ZBTB8A: variants seen among roughly 807,000 people sequenced by gnomAD.
The protein encoded by ZBTB8A is zinc finger and BTB domain-containing protein 8A.
A neutral mutation model predicts 37.8 loss-of-function variants in ZBTB8A; 19 were observed. That is an observed-to-expected ratio of 0.50 (90% CI 0.35 to 0.74). ZBTB8A has a LOEUF of 0.74. ZBTB8A is among the 30% of genes least tolerant of loss of function. ZBTB8A has a pLI of 0.01. For synonymous variants in ZBTB8A, 181 were observed against 185.2 expected (o/e 0.98, Z 0.19); for missense variants, 394 against 537.8 (o/e 0.73, Z 2.65).
chr1:32,561,431 G>A (rs1644243504), intron 2 of ZBTB8A, among the ~76,000 whole-genome samples: 1 of 152,168 alleles, frequency 6.6e-6, no homozygotes, highest in South Asian at 2.1e-4. Flanking sequence ...GTAGGGCAGA[G>A]TCCTTCCTTG....
At chr1:32,584,287 A>G (rs567505019) in intron 2 of ZBTB8A, among the ~76,000 whole-genome samples, 12 of 152,278 alleles carry the variant, frequency 7.9e-5, no homozygotes, top group South Asian at 4.1e-4. Flanking sequence ...TTGCAAGACA[A>G]TAAAATTATA....
At chr1:32,572,205 A>G (rs1644327571) in intron 2 of ZBTB8A, among the ~76,000 whole-genome samples, 1 of 152,126 alleles carries the variant, frequency 6.6e-6, no homozygotes, top group East Asian at 1.9e-4. Context: ...TGTCTATTTT[A>G]TGAAAGTGTT....
chr1:32,582,303 A>G, intron 2 of ZBTB8A, among the ~76,000 whole-genome samples: 1 of 152,116 alleles, frequency 6.6e-6, no homozygotes, highest in East Asian at 1.9e-4. Context: ...CCCAAAATCC[A>G]AAAAAATATA....
At chr1:32,579,613 C>A (rs1309382808) in intron 2 of ZBTB8A, among the ~76,000 whole-genome samples, 1 of 152,116 alleles carries the variant, frequency 6.6e-6, no homozygotes, top group Non-Finnish European at 1.5e-5. Flanking sequence ...AACTTCCAGG[C>A]ACCTCATGTT....
chr1:32,550,792 A>G (rs1018037712), intron 1 of ZBTB8A, among the ~76,000 whole-genome samples: 3 of 151,954 alleles, frequency 2.0e-5, no homozygotes, highest in Non-Finnish European at 4.4e-5. Context: ...CCCCGCCTCT[A>G]CTAAAAATAC....
intron 3 of ZBTB8A, among the ~76,000 whole-genome samples, chr1:32,594,260 TATTG>T: frequency 6.6e-6 from 1 of 151,552 alleles, no homozygotes; most frequent in South Asian, 2.1e-4. Context: ...TTCAAAATAA[TATTG>T]AATAAATATA....
chr1:32,584,780 A>C (rs1442202821), intron 2 of ZBTB8A, among the ~76,000 whole-genome samples: 2 of 151,760 alleles, frequency 1.3e-5, no homozygotes, highest in Non-Finnish European at 2.9e-5. Context: ...TTGGCCTCCC[A>C]AAGTGCCGCG....
intron 2 of ZBTB8A, among the ~76,000 whole-genome samples, chr1:32,573,824 C>T (rs941160220): frequency 1.3e-5 from 2 of 149,228 alleles, no homozygotes; most frequent in Non-Finnish European, 3.0e-5. Context: ...CCTGTAATCC[C>T]AGCACTTTGG....
intron 2 of ZBTB8A, among the ~76,000 whole-genome samples, chr1:32,556,418 C>T (rs967880030): frequency 1.3e-5 from 2 of 151,574 alleles, no homozygotes; most frequent in African/African-American, 2.4e-5. Flanking sequence ...CCCAGGCTGA[C>T]GTGCAGTGGT....
At chr1:32,560,390 G>A (rs1644234161) in intron 2 of ZBTB8A, among the ~76,000 whole-genome samples, 1 of 152,050 alleles carries the variant, frequency 6.6e-6, no homozygotes, top group African/African-American at 2.4e-5. Flanking sequence ...CTTGACCTGG[G>A]ATGTCTCAGC....
At chr1:32,554,158 C>G (rs998623795) in intron 2 of ZBTB8A, among the ~76,000 whole-genome samples, 2 of 147,418 alleles carry the variant, frequency 1.4e-5, no homozygotes, top group African/African-American at 5.1e-5. Context: ...CAAGATCACA[C>G]CAGTGCACTC....
At chr1:32,577,632 C>A in intron 2 of ZBTB8A, among the ~76,000 whole-genome samples, 1 of 137,388 alleles carries the variant, frequency 7.3e-6, no homozygotes, top group African/African-American at 2.8e-5. Context: ...TTCTCTGTCA[C>A]CCAGGCTGGC....
intron 2 of ZBTB8A, among the ~76,000 whole-genome samples, chr1:32,564,772 T>C (rs1009985974): frequency 6.6e-6 from 1 of 152,050 alleles, no homozygotes; most frequent in Non-Finnish European, 1.5e-5. Context: ...ACTTGATTTA[T>C]TTCAGGATCT....
intron 4 of ZBTB8A, among the ~76,000 whole-genome samples, chr1:32,598,195 T>C (rs1570375621): frequency 6.6e-6 from 1 of 151,656 alleles, no homozygotes; most frequent in African/African-American, 2.4e-5. Context: ...TTCCTACATA[T>C]TTTACCAGAC....
chr1:32,602,776 C>G lies in ZBTB8A; in HGVS notation c.*2357C>G, dbSNP rs1644587266. The stretch of plus-strand genomic sequence containing the variant: ...CCGTGTTAGCCAGGATGGTCTCAAT[C>G]TCCTGATCTCGTGATCCGCCCCCCT... On this transcript the variant is annotated 3_prime_UTR_variant, in exon 5 of 5. Coordinates refer to ENST00000373510, the MANE Select transcript of ZBTB8A (RefSeq NM_001040441.3). The G allele has an allele frequency of 6.6e-6, 1 of 152,148 alleles. No individual in the cohort carries two copies. Among genetic ancestry groups the G allele is most frequent in the African/African-American group, 2.4e-5 (1 of 41,434 alleles). The allele number at this position is 152,148 out of a possible 1,614,324, so 9.4% of individuals were successfully genotyped here.
chr1:32,559,327 G>A (rs1644226304), intron 2 of ZBTB8A, among the ~76,000 whole-genome samples: 2 of 152,096 alleles, frequency 1.3e-5, no homozygotes, highest in Non-Finnish European at 2.9e-5. Flanking sequence ...GGCCAGGCTG[G>A]TCTCAAACTC....
intron 2 of ZBTB8A, among the ~76,000 whole-genome samples, chr1:32,586,044 A>G (rs1644446211): frequency 1.4e-5 from 2 of 140,508 alleles, no homozygotes. Flanking sequence ...CTGGCCGGGC[A>G]CGGTGGCTCA....
chr1:32,557,042 C>G (rs572200527), intron 2 of ZBTB8A, among the ~76,000 whole-genome samples: 1 of 152,248 alleles, frequency 6.6e-6, no homozygotes, highest in South Asian at 2.1e-4. Context: ...TGGCTCACAC[C>G]TGTAATCCCA....
intron 1 of ZBTB8A, among the ~76,000 whole-genome samples, chr1:32,543,501 A>G (rs963655054): frequency 2.0e-5 from 3 of 152,154 alleles, no homozygotes; most frequent in Admixed American, 6.5e-5. Context: ...GAACATTTTC[A>G]TCATTTGCAT....
Sources: gnomAD v4.1 joint callset for allele counts (sites outside exome capture counted in the v4.1 genomes callset) on GRCh38, gnomAD v4.1.1 for gene constraint, MANE v1.5 for transcripts, NCBI Gene and HGNC (gene_info 2026-07-23, HGNC 2026-07-21) for gene names.